The following PRR16 variants were observed in gnomAD, a reference collection of about 807,000 sequenced individuals.
PRR16 encodes proline rich 16.
PRR16 carries 6 observed loss-of-function variants against 18.2 expected under a neutral mutation model. The ratio of observed to expected loss-of-function variants is 0.33; its 90% CI spans 0.18 to 0.65. PRR16 has a LOEUF of 0.65. PRR16 is among the 30% of genes least tolerant of loss of function. PRR16 has a pLI of 0.74. For missense variants in PRR16, 412 were observed against 376.6 expected (o/e 1.09, Z -0.78); for synonymous variants, 151 against 147.8 (o/e 1.02, Z -0.16).
intron 1 of PRR16, among the ~76,000 whole-genome samples, chr5:120,499,729 C>G (rs1750384410): frequency 6.6e-6 from 1 of 150,988 alleles, no homozygotes. Context: ...AAACCTTTGA[C>G]ACCTCTGTCA....
At chr5:120,551,196 A>G (rs767281624) in intron 1 of PRR16, among the ~76,000 whole-genome samples, 3 of 151,918 alleles carry the variant, frequency 2.0e-5, no homozygotes, top group Non-Finnish European at 4.4e-5. Context: ...ATCCTTGGAA[A>G]TCTTCTACTC....
intron 1 of PRR16, among the ~76,000 whole-genome samples, chr5:120,608,337 G>A (rs1754224023): frequency 6.6e-6 from 1 of 152,086 alleles, no homozygotes; most frequent in Non-Finnish European, 1.5e-5. Context: ...ATTAGACTAG[G>A]TCCCTGAGCA....
chr5:120,480,985 A>C lies in PRR16; in HGVS notation c.159+16340A>C, dbSNP rs1749592279. 2.0e-5 allele frequency among the ~76,000 whole-genome samples: 3 copies of C among 152,108 alleles called. No individual in the cohort carries two copies. The South Asian group carries it at 6.2e-4, about 32-fold the overall frequency. On this transcript the variant is annotated intron_variant, in intron 1 of 1. Coordinates refer to ENST00000407149, the MANE Select transcript of PRR16 (RefSeq NM_001300783.2). ...GAGGTCCGATTCACTTCATGTCTTC[A>C]GAAGTTTTCCTTTAAACCACACTAA...
At chr5:120,786,161 A>G in the PRR16 span, among the ~76,000 whole-genome samples, 1 of 151,572 alleles carries the variant, frequency 6.6e-6, no homozygotes, top group Non-Finnish European at 1.5e-5. Context: ...GAGTCACAAA[A>G]TCTTGTCTGT....
the PRR16 span, among the ~76,000 whole-genome samples, chr5:120,696,901 A>C: frequency 1.3e-5 from 2 of 152,242 alleles, no homozygotes; most frequent in African/African-American, 2.4e-5. Flanking sequence ...ATACATATAA[A>C]TGTTTTATCT....
intron 1 of PRR16, among the ~76,000 whole-genome samples, chr5:120,589,427 G>A (rs1344279100): frequency 6.6e-6 from 1 of 152,068 alleles, no homozygotes; most frequent in African/African-American, 2.4e-5. Flanking sequence ...GTATAGGGAT[G>A]TCCAACTTAG....
At chr5:120,480,113 G>A (rs1402620064) in intron 1 of PRR16, among the ~76,000 whole-genome samples, 3 of 152,030 alleles carry the variant, frequency 2.0e-5, no homozygotes, top group Non-Finnish European at 4.4e-5. Flanking sequence ...ACTAACATTT[G>A]TTAAAATACA....
chr5:120,707,712 A>T, the PRR16 span, among the ~76,000 whole-genome samples: 1 of 152,204 alleles, frequency 6.6e-6, no homozygotes, highest in African/African-American at 2.4e-5. Flanking sequence ...ACTACTCAAG[A>T]GTTAAGACAC....
At chr5:120,637,402 C>A (rs147426327) in intron 1 of PRR16, among the ~76,000 whole-genome samples, 1,950 of 149,462 alleles carry the variant, frequency 0.013, 18 homozygotes, top group Middle Eastern at 0.046. Flanking sequence ...GGAACCAGCC[C>A]AAATTCCCAT....
chr5:120,694,728 T>C, the PRR16 span, among the ~76,000 whole-genome samples: 2 of 151,578 alleles, frequency 1.3e-5, no homozygotes, highest in Non-Finnish European at 2.9e-5. Context: ...ACAAAAAGCA[T>C]GGTTTAATAA....
chr5:120,484,988 C>A (rs1288510888), intron 1 of PRR16, among the ~76,000 whole-genome samples: 1 of 151,406 alleles, frequency 6.6e-6, no homozygotes, highest in East Asian at 1.9e-4. Context: ...ACATATGATT[C>A]CATGGGAGAA....
chr5:120,502,565 A>G (rs1007732906), intron 1 of PRR16, among the ~76,000 whole-genome samples: 2 of 152,150 alleles, frequency 1.3e-5, no homozygotes, highest in African/African-American at 4.8e-5. Context: ...TAACCGATAC[A>G]GGAAGAGGCT....
chr5:120,750,820 C>T, the PRR16 span, among the ~76,000 whole-genome samples: 43 of 152,130 alleles, frequency 2.8e-4, no homozygotes, highest in Non-Finnish European at 4.3e-4. Flanking sequence ...TGGGAATATT[C>T]TAAGTCCACT....
At chr5:120,695,951 AT>A in the PRR16 span, among the ~76,000 whole-genome samples, 2 of 152,082 alleles carry the variant, frequency 1.3e-5, no homozygotes, top group Admixed American at 6.6e-5. Flanking sequence ...ATATATATAT[AT>A]ATAAAACCGG....
At chr5:120,793,620 C>T in the PRR16 span, among the ~76,000 whole-genome samples, 1 of 151,780 alleles carries the variant, frequency 6.6e-6, no homozygotes, top group Non-Finnish European at 1.5e-5. Context: ...GGTAAAGAAA[C>T]AAAAATATGA....
intron 1 of PRR16, among the ~76,000 whole-genome samples, chr5:120,530,067 A>G (rs1365487403): frequency 2.0e-5 from 3 of 150,892 alleles, no homozygotes; most frequent in Non-Finnish European, 4.4e-5. Flanking sequence ...TCTGTCATAT[A>G]GCAAGCTAAC....
the PRR16 span, among the ~76,000 whole-genome samples, chr5:120,782,682 C>T: frequency 6.6e-6 from 1 of 152,106 alleles, no homozygotes; most frequent in Non-Finnish European, 1.5e-5. Context: ...AGTGGTACAT[C>T]TAGAGAGACT....
the PRR16 span, among the ~76,000 whole-genome samples, chr5:120,754,282 AAATATAT>A: frequency 0.074 from 6,995 of 94,762 alleles, 546 homozygotes; most frequent in Middle Eastern, 0.15. Flanking sequence ...AATAATATAT[AAATATAT>A]AATATATAAT....
chr5:120,550,443 A>G (rs1232088442), intron 1 of PRR16, among the ~76,000 whole-genome samples: 1 of 152,028 alleles, frequency 6.6e-6, no homozygotes, highest in East Asian at 1.9e-4. Flanking sequence ...CTGAAGATGA[A>G]ATAAAGTTTT....
Sources: allele counts gnomAD v4.1 joint callset (sites outside exome capture counted in the v4.1 genomes callset), GRCh38; gene constraint gnomAD v4.1.1; transcripts MANE v1.5; gene names NCBI Gene and HGNC (gene_info 2026-07-23, HGNC 2026-07-21).